Variants in SMURF2 observed in about 807,000 individuals in gnomAD.
SMURF2 encodes the protein SMAD specific E3 ubiquitin protein ligase 2, also known as E3 ubiquitin-protein ligase SMURF2.
A neutral mutation model predicts 109.6 loss-of-function variants in SMURF2; 48 were observed. The observed-to-expected ratio is 0.44, with a 90% CI of 0.35 to 0.56. SMURF2 has a LOEUF of 0.56. Ranked by LOEUF, SMURF2 falls within the 20% of genes least tolerant of loss-of-function variation. The pLI, the probability that SMURF2 is intolerant of heterozygous loss-of-function variation, is 0.01. For synonymous variants in SMURF2, 288 were observed against 317.1 expected (o/e 0.91, Z 0.97); for missense variants, 575 against 909.0 (o/e 0.63, Z 4.72).
Position 64,575,947 on chromosome 17 carries a change from G to C in SMURF2, c.857+2545C>G, listed in dbSNP as rs532810030. ...GGGCCAAGCATGGTGGCTCATGCCTGTAATCCCAGCACTTTGGGAGGCCGA... is the reference window on the plus strand; with the variant it reads ...GGGCCAAGCATGGTGGCTCATGCCTCTAATCCCAGCACTTTGGGAGGCCGA... On this transcript the variant is annotated intron_variant, in intron 9 of 18. Transcript: ENST00000262435. Among the ~76,000 whole-genome samples the C allele has an allele frequency of 2.6e-5, 4 of 152,218 alleles. No homozygotes were observed. The South Asian group carries it at 8.3e-4, about 32-fold the overall frequency.
chr17:64,615,856 G>A (rs778708356), intron 1 of SMURF2, among the ~76,000 whole-genome samples: 1 of 150,956 alleles, frequency 6.6e-6, no homozygotes, highest in African/African-American at 2.4e-5. Context: ...TTTTTTGACA[G>A]TCTCGCTCTG....
intron 10 of SMURF2, among the ~76,000 whole-genome samples, chr17:64,565,583 T>G (rs1252498357): frequency 6.6e-6 from 1 of 151,692 alleles, no homozygotes; most frequent in Non-Finnish European, 1.5e-5. Flanking sequence ...AAATAAGTAA[T>G]TAGTGTTACT....
At chr17:64,577,887 C>T (rs554200845) in intron 9 of SMURF2, among the ~76,000 whole-genome samples, 24 of 150,356 alleles carry the variant, frequency 1.6e-4, no homozygotes, top group African/African-American at 5.6e-4. Flanking sequence ...GAGCCACCTG[C>T]TTGGTGCCCT....
At chr17:64,613,168 AC>A (rs1970069249) in intron 1 of SMURF2, among the ~76,000 whole-genome samples, 1 of 152,130 alleles carries the variant, frequency 6.6e-6, no homozygotes, top group Non-Finnish European at 1.5e-5. Flanking sequence ...TTGGGAATGT[AC>A]CTTGGGGACT....
chr17:64,644,944 G>A (rs1970540226), intron 1 of SMURF2, among the ~76,000 whole-genome samples: 1 of 151,352 alleles, frequency 6.6e-6, no homozygotes, highest in Non-Finnish European at 1.5e-5. Flanking sequence ...GAAGGCAGAG[G>A]TTGCAGTGAG....
chr17:64,648,745 C>A (rs986077381), intron 1 of SMURF2, among the ~76,000 whole-genome samples: 1 of 152,102 alleles, frequency 6.6e-6, no homozygotes, highest in Admixed American at 6.6e-5. Context: ...CAGAGTGAGA[C>A]CCTGTTTCAA....
At chr17:64,555,605 TG>T (rs1969107428) in intron 14 of SMURF2, among the ~76,000 whole-genome samples, 1 of 152,206 alleles carries the variant, frequency 6.6e-6, no homozygotes, top group African/African-American at 2.4e-5. Flanking sequence ...ATATACTAGT[TG>T]TTTTTTCCTT....
intron 9 of SMURF2, among the ~76,000 whole-genome samples, chr17:64,576,892 T>C (rs1278599898): frequency 2.8e-5 from 4 of 140,556 alleles, no homozygotes; most frequent in African/African-American, 8.0e-5. Context: ...TTTTTTTTTT[T>C]TTTTTTTGAG....
chr17:64,572,026 C>A, intron 9 of SMURF2, 70 bp from the exon 10 acceptor site: 13 of 1,330,846 alleles, frequency 9.8e-6, no homozygotes, highest in Non-Finnish European at 1.2e-5. Context: ...GTGTAAATGA[C>A]ACAGAACAAT....
At position 64,593,655 on chromosome 17, in the gene SMURF2, C is replaced by T. The variant is rs142962899; in HGVS notation, c.201-82G>A. 1,661 of 1,184,796 alleles carry T rather than the reference C, an allele frequency of 1.4e-3. 17 individuals are homozygous for T. In the African/African-American group the frequency reaches 0.021, roughly 15 times the overall value. The allele number at this position is 1,184,796 out of a possible 1,614,324, so 73.4% of individuals were successfully genotyped here. A position where few individuals can be genotyped will look rare whatever the true frequency, so the allele number is the denominator to read the frequency against. ...ATTTTTCTTTTGTTCTTTTTATATT[C>T]TAAAGTTACTAATATGCTTCAGAAT... On this transcript the variant is annotated intron_variant, in intron 3 of 18. Coordinates refer to ENST00000262435, the MANE Select transcript of SMURF2 (RefSeq NM_022739.4).
At position 64,545,076 on chromosome 17, in the gene SMURF2, T is replaced by C. The variant is rs1555682963; in HGVS notation, c.*772A>G. The C allele has an allele frequency of 6.6e-6, 1 of 152,168 alleles. No individual in the cohort carries two copies. The highest frequency in any genetic ancestry group is 1.5e-5 in the Non-Finnish European group (1 of 68,010). The allele number at this position is 152,168 out of a possible 1,614,324, so 9.4% of individuals were successfully genotyped here. ...AAGATAAAAACATTAGGTTTTTTTTTTTTTAAAAGAGTCTCTTAAAAACAG... is the reference window on the plus strand; with the variant it reads ...AAGATAAAAACATTAGGTTTTTTTTCTTTTAAAAGAGTCTCTTAAAAACAG... On this transcript the variant is annotated 3_prime_UTR_variant, in exon 19 of 19. Transcript: ENST00000262435.
chr17:64,607,997 A>ATAAT (rs1555689210), intron 1 of SMURF2, among the ~76,000 whole-genome samples: 1 of 29,710 alleles, frequency 3.4e-5, no homozygotes, highest in African/African-American at 1.6e-4. Context: ...AGACTCTGTC[A>ATAAT]TAAATAAATA....
intron 1 of SMURF2, among the ~76,000 whole-genome samples, chr17:64,639,075 T>A (rs1970459432): frequency 6.6e-6 from 1 of 152,222 alleles, no homozygotes; most frequent in South Asian, 2.1e-4. Context: ...TCTTCAAAGA[T>A]ATGTGACCAC....
At chr17:64,587,177 A>G (rs1969675329) in intron 5 of SMURF2, among the ~76,000 whole-genome samples, 1 of 152,212 alleles carries the variant, frequency 6.6e-6, no homozygotes, top group East Asian at 1.9e-4. Flanking sequence ...TCCGTCTCAA[A>G]AAAATAAATA....
At chr17:64,605,349 T>C (rs1969953910) in intron 2 of SMURF2, among the ~76,000 whole-genome samples, 1 of 152,178 alleles carries the variant, frequency 6.6e-6, no homozygotes, top group Non-Finnish European at 1.5e-5. Flanking sequence ...TAAGATGTTA[T>C]TTTATAAACT....
At chr17:64,618,967 T>TA (rs1970161494) in intron 1 of SMURF2, among the ~76,000 whole-genome samples, 2 of 152,090 alleles carry the variant, frequency 1.3e-5, no homozygotes, top group African/African-American at 4.8e-5. Context: ...AAAAACTACT[T>TA]AACTTCTCTT....
chr17:64,559,740 C>CAA (rs34385253), intron 12 of SMURF2, among the ~76,000 whole-genome samples: 2 of 141,570 alleles, frequency 1.4e-5, no homozygotes, highest in African/African-American at 2.6e-5. Context: ...CTGTTTCTAC[C>CAA]AAAAAAAAAA....
chr17:64,610,512 A>G (rs1970028977), intron 1 of SMURF2, among the ~76,000 whole-genome samples: 1 of 152,178 alleles, frequency 6.6e-6, no homozygotes, highest in African/African-American at 2.4e-5. Flanking sequence ...CAAGAACAGA[A>G]AACCAAACAC....
intron 1 of SMURF2, among the ~76,000 whole-genome samples, chr17:64,624,183 G>A (rs1359210289): frequency 2.0e-5 from 3 of 152,032 alleles, no homozygotes; most frequent in East Asian, 1.9e-4. Flanking sequence ...ACCTTAATAC[G>A]ATATCAAAAT....
Sources: gnomAD v4.1 joint callset for allele counts (sites outside exome capture counted in the v4.1 genomes callset) on GRCh38, gnomAD v4.1.1 for gene constraint, MANE v1.5 for transcripts, NCBI Gene and HGNC (gene_info 2026-07-23, HGNC 2026-07-21) for gene names.